Variants in SLC29A3 observed in about 807,000 individuals in gnomAD.
The protein encoded by SLC29A3 is equilibrative nucleoside transporter 3.
A neutral mutation model predicts 25.4 loss-of-function variants in SLC29A3; 18 were observed. The ratio of observed to expected loss-of-function variants is 0.71; its 90% confidence interval spans 0.49 to 1.05. The LOEUF (loss-of-function observed/expected upper bound fraction) is 1.05. SLC29A3 is among the 50% of genes least tolerant of loss of function. SLC29A3 has a pLI of 0.00. For missense variants in SLC29A3, 586 were observed against 609.0 expected, an observed-to-expected ratio of 0.96 and a Z score of 0.40; for synonymous variants, 258 against 267.1, an observed-to-expected ratio of 0.97 and a Z score of 0.33.
intron 2 of SLC29A3, among the ~76,000 whole-genome samples, chr10:71,339,041 C>T (rs1463613524): frequency 1.3e-5 from 2 of 152,334 alleles, no homozygotes; most frequent in East Asian, 3.9e-4. Flanking sequence ...TGTCTCCACC[C>T]GGTCTCTGCC....
chr10:71,331,180 G>A (rs1846109155), intron 2 of SLC29A3, among the ~76,000 whole-genome samples: 1 of 152,224 alleles, frequency 6.6e-6, no homozygotes, highest in Non-Finnish European at 1.5e-5. Context: ...TCAAGGAGGA[G>A]CAAGTGATGC....
At chr10:71,359,264 C>T (rs1418964645) in intron 5 of SLC29A3, among the ~76,000 whole-genome samples, 2 of 152,152 alleles carry the variant, frequency 1.3e-5, no homozygotes, top group Non-Finnish European at 2.9e-5. Context: ...TCTGTGGGCT[C>T]ACAGACACTT....
chr10:71,359,501 A>G, intron 5 of SLC29A3, among the ~76,000 whole-genome samples: 1 of 152,204 alleles, frequency 6.6e-6, no homozygotes, highest in East Asian at 1.9e-4. Context: ...GGAAGTAAGA[A>G]TATTCCTTTC....
intron 2 of SLC29A3, among the ~76,000 whole-genome samples, chr10:71,332,152 CTT>C (rs10716665): frequency 2.6e-4 from 35 of 135,228 alleles, no homozygotes; most frequent in Middle Eastern, 3.7e-3. Context: ...TCTTTTTTTT[CTT>C]TTTTTTTTTT....
chr10:71,361,987 GT>G lies in SLC29A3; in HGVS notation c.811del (p.Ser271LeufsTer32), dbSNP rs769809379. 6.2e-7 allele frequency: 1 copy of G among 1,613,992 alleles called. No homozygotes were observed. The highest frequency in any genetic ancestry group is 1.3e-5 in the African/African-American group (1 of 74,886). On this transcript the variant is annotated frameshift_variant, in exon 6 of 6. Transcript: ENST00000373189. LOFTEE classifies it low-confidence loss of function (END_TRUNC). ...YMRPVLAAHV[F>X]SGEEELPQDS... ...TGAGGCCTGTTCTTGCGGCCCATGT[GT>G]TTTCTGGTGAAGAGGAGCTTCCCCA...
intron 3 of SLC29A3, among the ~76,000 whole-genome samples, chr10:71,346,019 C>T (rs940216806): frequency 6.6e-6 from 1 of 152,192 alleles, no homozygotes; most frequent in Non-Finnish European, 1.5e-5. Flanking sequence ...TGTAATGCCT[C>T]GATCACCCCT....
chr10:71,373,307 A>G (rs182726580), intron 3 of SLC29A3, among the ~76,000 whole-genome samples: 132 of 152,336 alleles, frequency 8.7e-4, no homozygotes, highest in African/African-American at 3.1e-3. Flanking sequence ...CTTTCTGCTT[A>G]TAAAGCTCTG....
intron 1 of SLC29A3, among the ~76,000 whole-genome samples, chr10:71,320,243 TC>T (rs1471698746): frequency 6.6e-6 from 1 of 152,180 alleles, no homozygotes; most frequent in African/African-American, 2.4e-5. Context: ...AGCTGGAGCC[TC>T]TGGAAAGAAC....
Position 71,356,221 on chromosome 10 carries a change from C to T in SLC29A3, c.751C>T (p.Leu251=), listed in dbSNP as rs1249645317. ...GCTCTGCATGGGACTCTACCTGCTGCTGTCCAGGCTGGAGTATGCCAGGTG... is the reference window on the plus strand; with the variant it reads ...GCTCTGCATGGGACTCTACCTGCTGTTGTCCAGGCTGGAGTATGCCAGGTG... The part of the protein sequence containing the change: ...LVLCMGLYLL[L]SRLEYARYYM... Residue 251 remains leucine, a synonymous_variant, in exon 5 of 6, where the codon CTG becomes TTG. Transcript: ENST00000373189. The T allele has an allele frequency of 3.7e-6, 6 of 1,613,878 alleles. No individual in the cohort carries two copies. The highest frequency in any genetic ancestry group is 5.1e-6 in the Non-Finnish European group (6 of 1,180,000).
At chr10:71,378,082 G>A (rs1589249107) in intron 4 of SLC29A3, among the ~76,000 whole-genome samples, 1 of 105,146 alleles carries the variant, frequency 9.5e-6, no homozygotes, top group East Asian at 3.4e-4. Flanking sequence ...GGGGTCTGAA[G>A]CTTAGACAAT....
rs371704163 is a variant in SLC29A3 at position 71,344,270 on chromosome 10, C to T, written c.362C>T (p.Ala121Val). The T allele has an allele frequency of 1.6e-5, 26 of 1,613,832 alleles. No homozygotes were observed. The highest frequency in any genetic ancestry group is 4.0e-5 in the African/African-American group (3 of 74,928). Residue 121 changes from alanine (A) to valine (V), a missense_variant, in exon 3 of 6, where the codon GCC becomes GTC. Transcript: ENST00000373189. ...GTGCCCTCCATGCTGTGCCTGGTGG[C>T]CAACTTCCTGCTTGTCAACAGGTAG... Reference protein sequence around the residue: ...STVPSMLCLVANFLLVNRVAV... With the variant: ...STVPSMLCLVVNFLLVNRVAV...
chr10:71,379,896 A>G (rs1847289726), exon 5 of SLC29A3: 1 of 152,142 alleles, frequency 6.6e-6, no homozygotes, highest in Non-Finnish European at 1.5e-5. Flanking sequence ...CCCAGTGCCT[A>G]AGGTCCTTTA....
intron 5 of SLC29A3, among the ~76,000 whole-genome samples, chr10:71,358,687 G>A (rs1846978528): frequency 6.6e-6 from 1 of 152,202 alleles, no homozygotes; most frequent in South Asian, 2.1e-4. Flanking sequence ...CTTTGGGTGG[G>A]TCTGTTTCCA....
intron 2 of SLC29A3, among the ~76,000 whole-genome samples, chr10:71,328,449 C>T (rs929987402): frequency 6.6e-6 from 1 of 152,196 alleles, no homozygotes; most frequent in African/African-American, 2.4e-5. Context: ...AGCTCCTGCT[C>T]TCAGCACTTT....
At chr10:71,319,979 G>A (rs1845813297) in intron 1 of SLC29A3, among the ~76,000 whole-genome samples, 2 of 152,242 alleles carry the variant, frequency 1.3e-5, no homozygotes, top group Admixed American at 1.3e-4. Context: ...TTTGGGGAAG[G>A]TTGGGCACTT....
chr10:71,337,528 G>T (rs939443450), intron 2 of SLC29A3, among the ~76,000 whole-genome samples: 4 of 152,224 alleles, frequency 2.6e-5, no homozygotes, highest in Non-Finnish European at 4.4e-5. Context: ...TTCCTCGCCC[G>T]CCCGGTAGGA....
rs769787723 is a variant in SLC29A3, at chr10:71,356,106, C to T, written c.636C>T (p.Ser212=). 31 of 1,614,012 alleles carry T rather than the reference C, an allele frequency of 1.9e-5. No individual in the cohort carries two copies. The South Asian group carries it at 2.0e-4, about 10-fold the overall frequency. Residue 212 remains serine (S), a synonymous_variant, in exon 5 of 6, where the codon AGC becomes AGT. Coordinates refer to ENST00000373189, the MANE Select transcript of SLC29A3 (RefSeq NM_018344.6). ...ISGGAMGGTV[S]AVASLVDLAA... The stretch of plus-strand genomic sequence containing the variant: ...GAGGAGCCATGGGCGGGACGGTCAG[C>T]GCCGTGGCCTCATTGGTGGACTTGG...
Position 71,344,266 on chromosome 10 carries a change from G to A in SLC29A3, c.358G>A (p.Val120Met), listed in dbSNP as rs1250546184. ...CACCGTGCCCTCCATGCTGTGCCTG[G>A]TGGCCAACTTCCTGCTTGTCAACAG... is the stretch of plus-strand genomic sequence containing the variant. Reference protein sequence around the residue: ...ASTVPSMLCLVANFLLVNRVA... With the variant: ...ASTVPSMLCLMANFLLVNRVA... Residue 120 changes from valine to methionine, a missense_variant, in exon 3 of 6, where the codon GTG becomes ATG. Coordinates refer to ENST00000373189, the MANE Select transcript of SLC29A3 (RefSeq NM_018344.6). 6.2e-7 allele frequency: 1 copy of A among 1,614,044 alleles called. No individual in the cohort carries two copies. The highest frequency in any genetic ancestry group is 2.2e-5 in the East Asian group (1 of 44,876).
chr10:71,340,267 G>A (rs1846366057), intron 2 of SLC29A3, among the ~76,000 whole-genome samples: 1 of 152,114 alleles, frequency 6.6e-6, no homozygotes, highest in Admixed American at 6.5e-5. Context: ...TGACCCCCAG[G>A]CCTCCAGGCT....
Sources: allele counts gnomAD v4.1 joint callset (sites outside exome capture counted in the v4.1 genomes callset), GRCh38; gene constraint gnomAD v4.1.1; transcripts MANE v1.5; gene names NCBI Gene and HGNC (gene_info 2026-07-23, HGNC 2026-07-21).